TMPRSS15: variants seen among roughly 807,000 people sequenced by gnomAD.
TMPRSS15 encodes the protein transmembrane serine protease 15, also known as enteropeptidase.
A neutral mutation model predicts 125.3 loss-of-function variants in TMPRSS15; 128 were observed. The ratio of observed to expected loss-of-function variants is 1.02; its 90% CI spans 0.89 to 1.18. The LOEUF (loss-of-function observed/expected upper bound fraction) is 1.18, where lower values mean the gene tolerates loss of function less well. TMPRSS15 is among the 50% of genes most tolerant of loss of function. The pLI is 0.00. For synonymous variants in TMPRSS15, 446 were observed against 423.2 expected (o/e 1.05, Z -0.66); for missense variants, 1,283 against 1,212.7 (o/e 1.06, Z -0.86).
chr21:18,274,068 A>C (rs978295260), intron 24 of TMPRSS15, among the ~76,000 whole-genome samples: 3 of 152,220 alleles, frequency 2.0e-5, no homozygotes, highest in Non-Finnish European at 4.4e-5. Flanking sequence ...TTTAGTAATT[A>C]TTCGTTTGGT....
At chr21:18,372,555 G>A (rs891563164) in intron 5 of TMPRSS15, among the ~76,000 whole-genome samples, 2 of 152,226 alleles carry the variant, frequency 1.3e-5, no homozygotes, top group East Asian at 3.9e-4. Flanking sequence ...GCAACATCTA[G>A]CAGCCACTTC....
rs749950017 is a variant in TMPRSS15 at position 18,294,430 on chromosome 21, G to GT, written c.2325dup (p.Leu776ThrfsTer15). ...TTTGGGGTGATGTCTTGAGCTGCCA[G>GT]TTTTTTTCCACAAGCTATTAAAATA... On this transcript the variant is annotated frameshift_variant, in exon 21 of 25. Transcript: ENST00000284885. LOFTEE classifies it high-confidence loss of function. The GT allele has an allele frequency of 2.5e-6, 4 of 1,614,182 alleles. No individual in the cohort carries two copies. Among genetic ancestry groups the GT allele is most frequent in the East Asian group, 2.2e-5 (1 of 44,884 alleles).
intron 24 of TMPRSS15, 23 bp downstream of exon 24, chr21:18,275,174 A>T (rs1301975288): frequency 2.4e-5 from 39 of 1,612,858 alleles, no homozygotes; most frequent in Non-Finnish European, 3.1e-5. Context: ...GAAAAGGTAC[A>T]GTGAGCAGTT....
At chr21:18,354,557 G>T (rs949353290) in intron 8 of TMPRSS15, among the ~76,000 whole-genome samples, 5 of 151,560 alleles carry the variant, frequency 3.3e-5, no homozygotes, top group Admixed American at 6.6e-5. Flanking sequence ...TTTTCAAAGG[G>T]GGTGGTCTTG....
At chr21:18,306,203 T>A (rs1160799768) in intron 18 of TMPRSS15, among the ~76,000 whole-genome samples, 4 of 152,162 alleles carry the variant, frequency 2.6e-5, no homozygotes, top group Non-Finnish European at 5.9e-5. Flanking sequence ...CCCCACATAC[T>A]TGAAAATTTT....
chr21:18,400,367 C>T (rs766352890), intron 1 of TMPRSS15, among the ~76,000 whole-genome samples: 1 of 152,064 alleles, frequency 6.6e-6, no homozygotes, highest in African/African-American at 2.4e-5. Context: ...GGTAGTAGTA[C>T]AAATACAGAT....
intron 1 of TMPRSS15, among the ~76,000 whole-genome samples, chr21:18,451,005 C>A (rs1277699618): frequency 7.4e-6 from 1 of 134,608 alleles, no homozygotes; most frequent in Non-Finnish European, 1.8e-5. Context: ...TTAAGATAAT[C>A]CACAATTAAT....
chr21:18,312,313 A>C (rs1391085046), intron 18 of TMPRSS15, among the ~76,000 whole-genome samples: 1 of 151,918 alleles, frequency 6.6e-6, no homozygotes, highest in Non-Finnish European at 1.5e-5. Context: ...GCAAGCTATT[A>C]ATGCATTAGA....
chr21:18,337,600 T>A (rs1008639973), intron 13 of TMPRSS15, among the ~76,000 whole-genome samples: 11 of 152,318 alleles, frequency 7.2e-5, no homozygotes, highest in African/African-American at 2.6e-4. Flanking sequence ...AATGGAATAA[T>A]CTCTGTGGTT....
At chr21:18,423,386 G>C (rs1460895961) in intron 1 of TMPRSS15, among the ~76,000 whole-genome samples, 1 of 151,232 alleles carries the variant, frequency 6.6e-6, no homozygotes, top group Non-Finnish European at 1.5e-5. Flanking sequence ...TAATTGTGGA[G>C]AGTTCAGTCT....
intron 1 of TMPRSS15, among the ~76,000 whole-genome samples, chr21:18,480,051 T>A (rs972450767): frequency 6.6e-6 from 1 of 152,022 alleles, no homozygotes; most frequent in Non-Finnish European, 1.5e-5. Flanking sequence ...TGGAATACTA[T>A]GCAGCCATGA....
chr21:18,366,937 A>G (rs925084816), intron 6 of TMPRSS15, among the ~76,000 whole-genome samples: 4 of 152,128 alleles, frequency 2.6e-5, no homozygotes, highest in African/African-American at 9.6e-5. Context: ...AAAATATTTT[A>G]TGTATATAAA....
At chr21:18,282,064 C>G (rs867076289) in intron 21 of TMPRSS15, among the ~76,000 whole-genome samples, 71 of 132,082 alleles carry the variant, frequency 5.4e-4, no homozygotes, top group African/African-American at 1.8e-3. Flanking sequence ...CGCCACTGCA[C>G]TCCAGCCTGG....
chr21:18,458,213 C>T (rs146325118), intron 1 of TMPRSS15, among the ~76,000 whole-genome samples: 13 of 152,094 alleles, frequency 8.5e-5, no homozygotes, highest in Admixed American at 3.9e-4. Flanking sequence ...GCTGTTGGAA[C>T]CTTGTGCATG....
At chr21:18,379,441 G>A (rs1177236526) in intron 4 of TMPRSS15, 123 bp from the exon 5 acceptor site, 11 of 388,080 alleles carry the variant, frequency 2.8e-5, no homozygotes, top group Admixed American at 9.1e-5. Context: ...CGCATTATTA[G>A]TGTCCATTTA....
chr21:18,284,646 G>T (rs1259783103), intron 21 of TMPRSS15, among the ~76,000 whole-genome samples: 1 of 152,182 alleles, frequency 6.6e-6, no homozygotes, highest in African/African-American at 2.4e-5. Flanking sequence ...GCTGAAGATA[G>T]ATGGGCATAG....
At chr21:18,282,309 G>A (rs1327623374) in intron 21 of TMPRSS15, among the ~76,000 whole-genome samples, 1 of 152,038 alleles carries the variant, frequency 6.6e-6, no homozygotes, top group Non-Finnish European at 1.5e-5. Flanking sequence ...CTATTGGCCT[G>A]CGATTTCTTC....
rs539968323 is a variant in TMPRSS15 at position 18,440,372 on chromosome 21, C to CAAAAAAA, written c.11-42050_11-42044dup. On this transcript the variant is annotated intron_variant, in intron 1 of 7. Coordinates refer to the TMPRSS15 transcript ENST00000422787. ...TGGGCGACAGAGCGAAACTCCGTCTCAAAAAAAAAAAAAAAAAGAAAACTG... is the reference window on the plus strand; with the variant it reads ...TGGGCGACAGAGCGAAACTCCGTCTCAAAAAAAAAAAAAAAAAAAAAAAAGAAAACTG... 1.7e-3 allele frequency among the ~76,000 whole-genome samples: 82 copies of CAAAAAAA among 47,322 alleles called. 3 individuals carry two copies. Among genetic ancestry groups the CAAAAAAA allele is most frequent in the African/African-American group, 5.1e-3 (61 of 12,036 alleles). The allele number at this position is 47,322 out of a possible 152,430, so 31.0% of individuals were successfully genotyped here.
At chr21:18,461,000 G>A (rs2122952153) in intron 1 of TMPRSS15, among the ~76,000 whole-genome samples, 3 of 152,124 alleles carry the variant, frequency 2.0e-5, no homozygotes, top group Non-Finnish European at 4.4e-5. Flanking sequence ...CCATAGAACT[G>A]ATGTTTATGG....
Sources: allele counts gnomAD v4.1 joint callset (sites outside exome capture counted in the v4.1 genomes callset), GRCh38; gene constraint gnomAD v4.1.1; transcripts MANE v1.5; gene names NCBI Gene and HGNC (gene_info 2026-07-23, HGNC 2026-07-21).